The following NRG2 variants were observed in gnomAD, a reference collection of about 807,000 sequenced individuals.
The protein encoded by NRG2 is neuregulin 2.
NRG2 carries 27 observed loss-of-function variants against 73.9 expected under a neutral mutation model. That is an observed-to-expected ratio of 0.37 (90% CI 0.27 to 0.50). The LOEUF is 0.50. Among genes scored for constraint, NRG2 ranks in the 20% least tolerant of loss-of-function variants. The pLI is 0.96. For synonymous variants in NRG2, 532 were observed against 541.0 expected, an observed-to-expected ratio of 0.98 and a Z score of 0.23; for missense variants, 1,126 against 1,210.1, an observed-to-expected ratio of 0.93 and a Z score of 1.03.
rs1230913524 is a variant in NRG2 at position 140,008,143 on chromosome 5, C to T, written c.700+34227G>A. Among the ~76,000 whole-genome samples, 2 of 152,194 alleles carry T rather than the reference C, an allele frequency of 1.3e-5. No individual in the cohort carries two copies. The highest frequency in any genetic ancestry group is 4.8e-5 in the African/African-American group (2 of 41,438). ...TGGGCAGCCTGACATCTACATGTCCCATTTTGCTGCAGCCACTGAGGGTAA... is the reference window on the plus strand; with the variant it reads ...TGGGCAGCCTGACATCTACATGTCCTATTTTGCTGCAGCCACTGAGGGTAA... On this transcript the variant is annotated intron_variant, in intron 1 of 9. Transcript: ENST00000361474. This position sits in a 1 kb window ranked among gnomAD's most constrained non-coding sequence, Gnocchi z 4.2.
At chr5:140,029,958 G>A (rs893937643) in intron 1 of NRG2, among the ~76,000 whole-genome samples, 3 of 152,108 alleles carry the variant, frequency 2.0e-5, no homozygotes, top group Non-Finnish European at 4.4e-5. Flanking sequence ...CAAATTTTAA[G>A]GCTGACTGGG....
intron 5 of NRG2, among the ~76,000 whole-genome samples, chr5:139,862,593 G>A (rs1296458943): frequency 6.6e-6 from 1 of 152,262 alleles, no homozygotes; most frequent in African/African-American, 2.4e-5. Context: ...TCCTGGACAT[G>A]TCCCATGCCA....
At position 140,042,781 on chromosome 5, in the gene NRG2, G is replaced by C. The variant is rs1425249111; in HGVS notation, c.289C>G (p.Pro97Ala). The change falls in exon 1 of 10, where the codon CCG becomes GCG. Residue 97 changes from proline to alanine, a missense_variant. This residue lies in a region of NRG2 where 185 missense variants were observed against 149.0 expected (regional missense o/e 1.24). Transcript: ENST00000361474. ...AAAAGGMRRDPAPGFSMLLFG... is the reference protein window; with the variant it reads ...AAAAGGMRRDAAPGFSMLLFG... ...AGCAGCATGGAGAAGCCGGGGGCCG[G>C]GTCGCGCCTCATGCCGCCGGCGGCT... 6.6e-7 allele frequency: 1 copy of C among 1,525,766 alleles called. No homozygotes were observed. The highest frequency in any genetic ancestry group is 8.8e-7 in the Non-Finnish European group (1 of 1,137,734). The allele number at this position is 1,525,766 out of a possible 1,614,324, so 94.5% of individuals were successfully genotyped here. A position where few individuals can be genotyped will look rare whatever the true frequency, so the allele number is the denominator to read the frequency against.
chr5:139,903,135 A>G (rs1764994483), intron 1 of NRG2, among the ~76,000 whole-genome samples: 1 of 152,078 alleles, frequency 6.6e-6, no homozygotes, highest in Non-Finnish European at 1.5e-5. Flanking sequence ...GAAGCCTCCC[A>G]GCTTCCCGTC....
rs755950763 is a variant in NRG2, at chr5:140,026,591, A to C, written c.700+15779T>G. On this transcript the variant is annotated intron_variant, in intron 1 of 9. Transcript: ENST00000361474. ...ACAGCCACCGTACTCCAGCCTAGGC[A>C]ACACAGTAAGATCTCTTCTCCAGAA... is the stretch of plus-strand genomic sequence containing the variant. Among the ~76,000 whole-genome samples the C allele has an allele frequency of 1.3e-3, 199 of 152,168 alleles. 1 individual carries two copies. Among genetic ancestry groups the C allele is most frequent in the Non-Finnish European group, 2.4e-3 (166 of 68,028 alleles).
chr5:139,936,760 T>A (rs969418574), intron 1 of NRG2, among the ~76,000 whole-genome samples: 3 of 152,200 alleles, frequency 2.0e-5, no homozygotes, highest in African/African-American at 7.2e-5. Flanking sequence ...AAATTGTAAA[T>A]TAATTTCAGG....
intron 1 of NRG2, among the ~76,000 whole-genome samples, chr5:139,957,019 T>C (rs1754674658): frequency 6.6e-6 from 1 of 152,214 alleles, no homozygotes; most frequent in Admixed American, 6.5e-5. Context: ...AACATCTGGC[T>C]GATTCCAGAT....
At chr5:139,893,338 A>G (rs1307005507) in intron 1 of NRG2, among the ~76,000 whole-genome samples, 3 of 152,200 alleles carry the variant, frequency 2.0e-5, no homozygotes, top group African/African-American at 7.2e-5. Context: ...TTGTGGCTGA[A>G]GGGAGGAGCA....
chr5:140,028,706 C>T (rs543981155), intron 1 of NRG2, among the ~76,000 whole-genome samples: 32 of 152,230 alleles, frequency 2.1e-4, no homozygotes, highest in African/African-American at 7.2e-4. Context: ...AGAGGTCAAA[C>T]TGTAATGTCC....
intron 1 of NRG2, among the ~76,000 whole-genome samples, chr5:140,001,185 G>A (rs1013929605): frequency 2.0e-5 from 3 of 152,090 alleles, no homozygotes; most frequent in Admixed American, 6.5e-5. Context: ...TCATCCAGTC[G>A]GGTAGAGCTT....
chr5:139,848,145 C>T lies in NRG2; in HGVS notation c.2325G>A (p.Ser775=), dbSNP rs773863320. The T allele has an allele frequency of 1.1e-4, 166 of 1,455,470 alleles. No individual in the cohort carries two copies. Among genetic ancestry groups the T allele is most frequent in the South Asian group, 5.2e-4 (39 of 75,576 alleles). The allele number at this position is 1,455,470 out of a possible 1,614,324, so 90.2% of individuals were successfully genotyped here. Reference sequence around the variant, plus strand: ...CGTCGTCCGCGTCGTCGTCCGACGCCGAGGCTGAGCCGCCGCCCGAGCCGC... The same window carrying T: ...CGTCGTCCGCGTCGTCGTCCGACGCTGAGGCTGAGCCGCCGCCCGAGCCGC... The part of the protein sequence containing the change: ...LSSGSGGGSA[S]ASDDDADDAD... The change falls in exon 10 of 10, where the codon TCG becomes TCA. Residue 775 remains serine, a synonymous_variant. Coordinates refer to ENST00000361474, the MANE Select transcript of NRG2 (RefSeq NM_004883.3).
intron 1 of NRG2, among the ~76,000 whole-genome samples, chr5:139,955,706 G>T (rs537888843): frequency 6.6e-6 from 1 of 152,278 alleles, no homozygotes; most frequent in Non-Finnish European, 1.5e-5. Context: ...TATCTATTGG[G>T]TGCTCTTTTG....
intron 1 of NRG2, among the ~76,000 whole-genome samples, chr5:139,942,348 T>C (rs1753463165): frequency 6.6e-6 from 1 of 152,214 alleles, no homozygotes. Context: ...GCTTTAAACA[T>C]TTTATGTTTT....
At chr5:140,035,936 G>A (rs1761472458) in intron 1 of NRG2, among the ~76,000 whole-genome samples, 1 of 152,154 alleles carries the variant, frequency 6.6e-6, no homozygotes, top group Non-Finnish European at 1.5e-5. Flanking sequence ...GTTGCTTGCA[G>A]AATACAGAAA....
In NRG2 at chr5:139,868,451, G is replaced by T. The variant is rs993623445; in HGVS notation, c.1113-2826C>A. 6.6e-6 allele frequency among the ~76,000 whole-genome samples: 1 copy of T among 152,094 alleles called. No homozygotes were observed. The highest frequency in any genetic ancestry group is 1.5e-5 in the Non-Finnish European group (1 of 67,998). ...GGATTGACCCTCTGATTTTCAGGGG[G>T]CACAGAGGACAGATTAGAAGGAGCA... On this transcript the variant is annotated intron_variant, in intron 4 of 9. Coordinates refer to ENST00000361474, the MANE Select transcript of NRG2 (RefSeq NM_004883.3). This position sits in a 1 kb window ranked among gnomAD's most constrained non-coding sequence, Gnocchi z 4.2.
chr5:139,959,595 C>T (rs1311797974), intron 1 of NRG2, among the ~76,000 whole-genome samples: 3 of 152,158 alleles, frequency 2.0e-5, no homozygotes, highest in Non-Finnish European at 2.9e-5. Flanking sequence ...AGGCTGGTCT[C>T]GAACTCCCGA....
At position 139,868,594 on chromosome 5, in the gene NRG2, G is replaced by A. The variant is rs985125944; in HGVS notation, c.1113-2969C>T. 1.3e-5 allele frequency among the ~76,000 whole-genome samples: 2 copies of A among 152,020 alleles called. No individual in the cohort carries two copies. Among genetic ancestry groups the A allele is most frequent in the Non-Finnish European group, 2.9e-5 (2 of 67,988 alleles). ...AGAGGGGCAGAGAGGAGAGCCCACGGGCTGCATCTGGGGTGACAGAGAGGT... is the reference window on the plus strand; with the variant it reads ...AGAGGGGCAGAGAGGAGAGCCCACGAGCTGCATCTGGGGTGACAGAGAGGT... On this transcript the variant is annotated intron_variant, in intron 4 of 9. Transcript: ENST00000361474. This position sits in a 1 kb window ranked among gnomAD's most constrained non-coding sequence, Gnocchi z 4.2.
At chr5:139,969,825 T>C (rs1011334406) in intron 1 of NRG2, among the ~76,000 whole-genome samples, 1 of 152,240 alleles carries the variant, frequency 6.6e-6, no homozygotes, top group African/African-American at 2.4e-5. Context: ...GGAAACACTA[T>C]GTGCCTTTCC....
chr5:139,852,620 T>C lies in NRG2; in HGVS notation c.1417-61A>G. 1 of 1,589,152 alleles carries C rather than the reference T, an allele frequency of 6.3e-7. No individual in the cohort carries two copies. Among genetic ancestry groups the C allele is most frequent in the Non-Finnish European group, 8.6e-7 (1 of 1,167,034 alleles). On this transcript the variant is annotated intron_variant, in intron 7 of 9. Coordinates refer to ENST00000361474, the MANE Select transcript of NRG2 (RefSeq NM_004883.3). This position sits in a 1 kb window ranked among gnomAD's most constrained non-coding sequence, Gnocchi z 4.4. ...GGGGCCCAAATGAACTCTTTCTTGT[T>C]GGGGACAGGGAAGTGATGAGCACTG...
Sources: allele counts gnomAD v4.1 joint callset (sites outside exome capture counted in the v4.1 genomes callset), GRCh38; gene constraint gnomAD v4.1.1; regional missense constraint gnomAD v4.1.1; non-coding constraint Gnocchi (gnomAD v3.1); transcripts MANE v1.5; gene names NCBI Gene and HGNC (gene_info 2026-07-23, HGNC 2026-07-21).